Variants in FUNDC1 observed in about 807,000 individuals in gnomAD.
FUNDC1 encodes FUN14 domain containing 1.
Under a neutral mutation model 14.5 loss-of-function variants are expected in FUNDC1, and 10 were observed. The ratio of observed to expected loss-of-function variants is 0.69; its 90% CI spans 0.43 to 1.17. FUNDC1 has a LOEUF of 1.17. Ranked by LOEUF, FUNDC1 falls within the 50% of genes most tolerant of loss-of-function variation. The probability of loss-of-function intolerance (pLI) is 0.00; values close to 1 mark genes in which losing one functional copy is unlikely to be tolerated. For synonymous variants in FUNDC1, 33 were observed against 39.7 expected (o/e 0.83, Z 0.64); for missense variants, 115 against 113.8 (o/e 1.01, Z -0.05).
chrX:44,533,823 G>C (rs1020206445), intron 3 of FUNDC1, among the ~76,000 whole-genome samples: 2 of 109,246 alleles, frequency 1.8e-5, no homozygotes. Flanking sequence ...CAGCACTTTG[G>C]GAGACCGAGG....
chrX:44,532,117 C>T (rs183995553), intron 3 of FUNDC1, among the ~76,000 whole-genome samples: 4 of 110,457 alleles, frequency 3.6e-5, no homozygotes, highest in African/African-American at 6.6e-5. Flanking sequence ...GTATGAGGCC[C>T]GGCACGGTGG....
intron 3 of FUNDC1, among the ~76,000 whole-genome samples, chrX:44,530,620 A>G (rs943018211): frequency 2.9e-4 from 31 of 108,135 alleles, no homozygotes; most frequent in African/African-American, 9.5e-4. Flanking sequence ...TAATAATAAT[A>G]ATGATGACAG....
chrX:44,538,794 A>T (rs989637776), intron 2 of FUNDC1, among the ~76,000 whole-genome samples: 2 of 111,698 alleles, frequency 1.8e-5, no homozygotes, highest in Non-Finnish European at 3.8e-5. Context: ...TAGAAAAAAA[A>T]GAGCAGCTAC....
chrX:44,534,301 T>C (rs976890299), intron 3 of FUNDC1, among the ~76,000 whole-genome samples: 3 of 109,363 alleles, frequency 2.7e-5, no homozygotes, highest in Admixed American at 9.9e-5. Context: ...CTGGGCAACA[T>C]AGCAAGACCT....
chrX:44,525,913 T>C (rs1411382878), intron 4 of FUNDC1, among the ~76,000 whole-genome samples: 1 of 108,770 alleles, frequency 9.2e-6, no homozygotes. Flanking sequence ...ATAATGGCAT[T>C]TGGCCAGGCA....
chrX:44,524,097 C>T lies in FUNDC1; in HGVS notation c.*101G>A, dbSNP rs2038891911. ...AGTATTGTCCAGCTAGTTGTTTCTC[C>T]TTGCCCTAGAGACTCTGGCAGTATG... On this transcript the variant is annotated 3_prime_UTR_variant, in exon 5 of 5. Transcript: ENST00000378045. The T allele has an allele frequency of 1.8e-6, 1 of 565,759 alleles. No homozygotes were observed. Among genetic ancestry groups the T allele is most frequent in the Non-Finnish European group, 3.0e-6 (1 of 332,630 alleles). The allele number at this position is 565,759 out of a possible 1,213,427, so 46.6% of individuals were successfully genotyped here. A position where few individuals can be genotyped will look rare whatever the true frequency, so the allele number is the denominator to read the frequency against.
chrX:44,530,160 GA>G (rs1395826448), intron 3 of FUNDC1, among the ~76,000 whole-genome samples: 2 of 112,198 alleles, frequency 1.8e-5, no homozygotes, highest in African/African-American at 3.2e-5. Context: ...CAACTACAAG[GA>G]AATGCAAGCC....
rs759423226 is a variant in FUNDC1, at chrX:44,537,148, C to G, written c.261+1319G>C. Reference sequence around the variant, plus strand: ...TGCTCTGCCTTAAAAACTTCAAAGACTACGTGTACTAAATGCGGAAAAGTG... The same window carrying G: ...TGCTCTGCCTTAAAAACTTCAAAGAGTACGTGTACTAAATGCGGAAAAGTG... On this transcript the variant is annotated intron_variant, in intron 3 of 4. Coordinates refer to ENST00000378045, the MANE Select transcript of FUNDC1 (RefSeq NM_173794.4). 1.7e-4 allele frequency among the ~76,000 whole-genome samples: 19 copies of G among 111,875 alleles called. No homozygotes were observed. The South Asian group carries it at 5.2e-3, about 30-fold the overall frequency.
At position 44,531,297 on chromosome X, in the gene FUNDC1, G is replaced by A. The variant is rs1186248147; in HGVS notation, c.262-3932C>T. ...ACACACACACACACGGCTTTCAGAT[G>A]AAGATTCATGTTGGCCAGACACACA... On this transcript the variant is annotated intron_variant, in intron 3 of 4. Coordinates refer to ENST00000378045, the MANE Select transcript of FUNDC1 (RefSeq NM_173794.4). Among the ~76,000 whole-genome samples the A allele has an allele frequency of 1.0e-3, 27 of 26,716 alleles. 4 individuals are homozygous for A. Among genetic ancestry groups the A allele is most frequent in the South Asian group, 5.3e-3 (3 of 566 alleles). 23.2% of individuals were successfully genotyped at this position (26,716 alleles called of 115,157 possible). A position where few individuals can be genotyped will look rare whatever the true frequency, so the allele number is the denominator to read the frequency against.
intron 3 of FUNDC1, among the ~76,000 whole-genome samples, chrX:44,533,627 C>CAAAAAAAAAAA (rs1156843539): frequency 5.4e-4 from 10 of 18,628 alleles, no homozygotes; most frequent in Non-Finnish European, 7.3e-4. Context: ...GACTCCGTCT[C>CAAAAAAAAAAA]AAAAAAAAAA....
intron 4 of FUNDC1, among the ~76,000 whole-genome samples, chrX:44,525,963 G>C (rs113570527): frequency 0.017 from 1,849 of 107,329 alleles, 33 homozygotes; most frequent in African/African-American, 0.059. Flanking sequence ...TTGGGAGGCC[G>C]AGGCATCATG....
intron 3 of FUNDC1, among the ~76,000 whole-genome samples, chrX:44,533,627 C>CAAAAAAAAAA (rs1156843539): frequency 5.3e-5 from 1 of 18,726 alleles, no homozygotes; most frequent in Non-Finnish European, 9.0e-5. Context: ...GACTCCGTCT[C>CAAAAAAAAAA]AAAAAAAAAA....
At chrX:44,531,649 T>A (rs7063136) in intron 3 of FUNDC1, among the ~76,000 whole-genome samples, 15,314 of 108,444 alleles carry the variant, frequency 0.14, 1,781 homozygotes, top group African/African-American at 0.38. Flanking sequence ...ATCATCAGAC[T>A]TGGAGGAAGG....
chrX:44,525,653 G>A (rs1402149342), intron 4 of FUNDC1, among the ~76,000 whole-genome samples: 1 of 108,648 alleles, frequency 9.2e-6, no homozygotes, highest in Non-Finnish European at 1.9e-5. Context: ...CCAGGAGTTT[G>A]AGACCAGCCT....
At chrX:44,527,145 T>C (rs780503926) in intron 4 of FUNDC1, 92 bp downstream of exon 4, 10 of 644,364 alleles carry the variant, frequency 1.6e-5, no homozygotes, top group Non-Finnish European at 2.2e-5. Flanking sequence ...AAAAAGACAG[T>C]AATCCCCCCC....
chrX:44,537,303 ACT>A (rs751216650), intron 3 of FUNDC1, among the ~76,000 whole-genome samples: 47 of 111,712 alleles, frequency 4.2e-4, no homozygotes, highest in Middle Eastern at 9.1e-3. Flanking sequence ...ATTTTAGGAA[ACT>A]CTGCTTCAGT....
chrX:44,542,839 G>A lies in FUNDC1; in HGVS notation c.-7C>T, dbSNP rs1418573627. On this transcript the variant is annotated 5_prime_UTR_variant, in exon 1 of 5. Transcript: ENST00000378045. The stretch of plus-strand genomic sequence containing the variant: ...GGGGGTTCCGGGTCGCCATGATACC[G>A]CCAGCGGCCAATTCTGGAGTGGTCC... 4 of 1,167,598 alleles carry A rather than the reference G, an allele frequency of 3.4e-6. No individual in the cohort carries two copies. The East Asian group carries it at 9.7e-5, about 28-fold the overall frequency.
chrX:44,530,867 G>A (rs1481804757), intron 3 of FUNDC1, among the ~76,000 whole-genome samples: 1 of 110,036 alleles, frequency 9.1e-6, no homozygotes, highest in African/African-American at 3.3e-5. Flanking sequence ...GGCGGAGGCT[G>A]CAGTGAGCTG....
rs779349485 is a variant in FUNDC1 at position 44,542,783 on chromosome X, A to G, written c.28+22T>C. The G allele has an allele frequency of 8.6e-6, 10 of 1,160,599 alleles. No individual in the cohort carries two copies. The East Asian group carries it at 2.3e-4, about 27-fold the overall frequency. On this transcript the variant is annotated intron_variant, in intron 1 of 4. Coordinates refer to ENST00000378045, the MANE Select transcript of FUNDC1 (RefSeq NM_173794.4). Reference sequence around the variant, plus strand: ...AGCTGTGAGCCGCGTCCCAGATACCACTTCGGGCCCTGGCCGCTCACCTTG... The same window carrying G: ...AGCTGTGAGCCGCGTCCCAGATACCGCTTCGGGCCCTGGCCGCTCACCTTG...
Sources: gnomAD v4.1 joint callset for allele counts (sites outside exome capture counted in the v4.1 genomes callset) on GRCh38, gnomAD v4.1.1 for gene constraint, MANE v1.5 for transcripts, NCBI Gene and HGNC (gene_info 2026-07-23, HGNC 2026-07-21) for gene names.